BTAF1: variants seen among roughly 807,000 people sequenced by gnomAD.
BTAF1 encodes B-TFIID TATA-box binding protein associated factor 1, also known as TATA-binding protein-associated factor 172.
A neutral mutation model predicts 227.1 loss-of-function variants in BTAF1; 38 were observed. The ratio of observed to expected loss-of-function variants is 0.17; its 90% confidence interval spans 0.13 to 0.22. BTAF1 has a LOEUF of 0.22. BTAF1 is among the 10% of genes least tolerant of loss of function. The pLI is 1.00. For synonymous variants in BTAF1, 742 were observed against 751.9 expected, an observed-to-expected ratio of 0.99 and a Z score of 0.21; for missense variants, 1,598 against 2,204.0, an observed-to-expected ratio of 0.73 and a Z score of 5.51.
At chr10:91,927,271 TG>T (rs1843917674) in intron 1 of BTAF1, among the ~76,000 whole-genome samples, 1 of 152,044 alleles carries the variant, frequency 6.6e-6, no homozygotes, top group Non-Finnish European at 1.5e-5. Flanking sequence ...CCCGAGTAGC[TG>T]GGATTACAGG....
chr10:91,962,162 A>T (rs1446411560), intron 11 of BTAF1, among the ~76,000 whole-genome samples: 1 of 152,178 alleles, frequency 6.6e-6, no homozygotes, highest in Non-Finnish European at 1.5e-5. Context: ...GTCCCATAAG[A>T]TTATAATACT....
At chr10:92,008,092 G>A in intron 25 of BTAF1, 31 bp from the exon 26 acceptor site, 1 of 1,545,538 alleles carries the variant, frequency 6.5e-7, no homozygotes, top group East Asian at 2.4e-5. Flanking sequence ...TGAGTACGTA[G>A]TTTTTAATAA....
intron 22 of BTAF1, among the ~76,000 whole-genome samples, chr10:91,994,292 T>A (rs1020178269): frequency 2.1e-5 from 3 of 146,006 alleles, no homozygotes; most frequent in Non-Finnish European, 4.6e-5. Context: ...AGAGCGAGAC[T>A]CTGTCTCAAA....
intron 23 of BTAF1, 63 bp downstream of exon 23, chr10:91,994,707 T>C: frequency 7.1e-7 from 1 of 1,415,610 alleles, no homozygotes; most frequent in Non-Finnish European, 9.9e-7. Flanking sequence ...TTAAAAAGTC[T>C]TAAGGTTTGA....
At chr10:91,941,903 C>T (rs1234315000) in intron 3 of BTAF1, among the ~76,000 whole-genome samples, 1 of 152,218 alleles carries the variant, frequency 6.6e-6, no homozygotes, top group Non-Finnish European at 1.5e-5. Flanking sequence ...AAAGGAACCA[C>T]CAACTTATTC....
intron 5 of BTAF1, among the ~76,000 whole-genome samples, chr10:91,952,748 A>G (rs1280395821): frequency 1.3e-5 from 2 of 152,172 alleles, no homozygotes; most frequent in Non-Finnish European, 2.9e-5. Context: ...AGAGAGTATG[A>G]AGAGGCCAGA....
chr10:91,971,609 T>C (rs1223366396), intron 14 of BTAF1, among the ~76,000 whole-genome samples: 2 of 151,990 alleles, frequency 1.3e-5, no homozygotes, highest in African/African-American at 2.4e-5. Flanking sequence ...GTAGCTGGGA[T>C]TACAGGCATG....
intron 33 of BTAF1, among the ~76,000 whole-genome samples, chr10:92,017,353 CAT>C (rs1219391533): frequency 6.6e-6 from 1 of 152,160 alleles, no homozygotes; most frequent in Non-Finnish European, 1.5e-5. Flanking sequence ...GATCATGCCT[CAT>C]ATGCTTGAGA....
chr10:91,971,078 A>G (rs1054030376), intron 14 of BTAF1, among the ~76,000 whole-genome samples: 1 of 152,090 alleles, frequency 6.6e-6, no homozygotes, highest in African/African-American at 2.4e-5. Flanking sequence ...TTATTCTGAC[A>G]TGTTTGTGGT....
Position 91,992,200 on chromosome 10 carries a change from C to T in BTAF1, c.2936C>T (p.Ala979Val). ...GIITLYRHQKAAFAITSRRGP... is the reference protein window; with the variant it reads ...GIITLYRHQKVAFAITSRRGP... The stretch of plus-strand genomic sequence containing the variant: ...ATTACACTCTACAGGCACCAGAAAG[C>T]TGCCTTTGCTATCACAAGTAGGCGA... Residue 979 changes from alanine to valine, a missense_variant, in exon 21 of 38, where the codon GCT (alanine) becomes GTT (valine). Physicochemically the swap from Ala to Val is moderately conservative, Grantham distance 64. Around this residue, in one of 10 missense-constraint regions of BTAF1, gnomAD observed 425 missense variants for 491.2 expected, o/e 0.87. Transcript: ENST00000265990. The T allele has an allele frequency of 1.2e-6, 2 of 1,613,990 alleles. No individual in the cohort carries two copies. The highest frequency in any genetic ancestry group is 1.7e-6 in the Non-Finnish European group (2 of 1,179,964).
intron 25 of BTAF1, among the ~76,000 whole-genome samples, chr10:92,003,423 A>G (rs1180534515): frequency 1.3e-5 from 2 of 152,162 alleles, no homozygotes; most frequent in African/African-American, 2.4e-5. Flanking sequence ...CCACGCACTA[A>G]GCACCTAGTA....
At chr10:91,950,159 G>C (rs904490696) in intron 4 of BTAF1, among the ~76,000 whole-genome samples, 2 of 16,138 alleles carry the variant, frequency 1.2e-4, no homozygotes, top group African/African-American at 4.1e-4. Flanking sequence ...GGGGGGGGGC[G>C]GGAAAGAAGA....
At chr10:91,982,811 C>T (rs1366788615) in intron 18 of BTAF1, 50 bp downstream of exon 18, 1 of 1,499,654 alleles carries the variant, frequency 6.7e-7, no homozygotes, top group East Asian at 2.3e-5. Flanking sequence ...AAACCAATTT[C>T]CATTAGCTGT....
At chr10:91,992,382 T>G in intron 21 of BTAF1, 73 bp downstream of exon 21, 1 of 1,340,538 alleles carries the variant, frequency 7.5e-7, no homozygotes, top group Non-Finnish European at 1.0e-6. Flanking sequence ...GAGAACTAAG[T>G]TGTATTAGCT....
At chr10:91,926,715 T>A (rs898618200) in intron 1 of BTAF1, among the ~76,000 whole-genome samples, 5 of 152,220 alleles carry the variant, frequency 3.3e-5, no homozygotes, top group Non-Finnish European at 7.3e-5. Flanking sequence ...AGTTTATGTA[T>A]CAATGTATTT....
chr10:92,008,419 C>T, intron 26 of BTAF1, 144 bp downstream of exon 26: 1 of 790,466 alleles, frequency 1.3e-6, no homozygotes, highest in Admixed American at 3.8e-5. Flanking sequence ...TCATGGTTCA[C>T]TGCAGCCTCA....
intron 28 of BTAF1, 94 bp from the exon 29 acceptor site, chr10:92,010,979 T>G: frequency 1.1e-6 from 1 of 874,432 alleles, no homozygotes; most frequent in South Asian, 1.5e-5. Flanking sequence ...AATGCTGGGC[T>G]TAGTGGGCAG....
At chr10:91,959,512 G>A (rs1052646373) in intron 9 of BTAF1, among the ~76,000 whole-genome samples, 4 of 151,828 alleles carry the variant, frequency 2.6e-5, no homozygotes, top group African/African-American at 9.7e-5. Flanking sequence ...TTGTGATATA[G>A]TATATCTGAA....
At chr10:92,023,349 T>C (rs1851273793) in intron 34 of BTAF1, among the ~76,000 whole-genome samples, 1 of 152,184 alleles carries the variant, frequency 6.6e-6, no homozygotes, top group Non-Finnish European at 1.5e-5. Context: ...CTTTTGGTGT[T>C]TTGAGTAACT....
Sources: gnomAD v4.1 joint callset for allele counts (sites outside exome capture counted in the v4.1 genomes callset) on GRCh38, gnomAD v4.1.1 for gene constraint, gnomAD v4.1.1 regional missense constraint, MANE v1.5 for transcripts, NCBI Gene and HGNC (gene_info 2026-07-23, HGNC 2026-07-21) for gene names.